IGFBP7: variants seen among roughly 807,000 people sequenced by gnomAD.
IGFBP7 encodes insulin like growth factor binding protein 7.
In IGFBP7, 31 loss-of-function variants were observed where a neutral mutation model predicts 29.4. That is an observed-to-expected ratio of 1.05 (90% CI 0.79 to 1.42). The LOEUF is 1.42. Among genes scored for constraint, IGFBP7 ranks in the 40% most tolerant of loss-of-function variants. IGFBP7 has a pLI of 0.00. For synonymous variants in IGFBP7, 172 were observed against 174.9 expected, an observed-to-expected ratio of 0.98 and a Z score of 0.13; for missense variants, 393 against 395.5, an observed-to-expected ratio of 0.99 and a Z score of 0.05.
chr4:57,078,323 G>C (rs942793935), intron 1 of IGFBP7, among the ~76,000 whole-genome samples: 2 of 152,122 alleles, frequency 1.3e-5, no homozygotes, highest in African/African-American at 4.8e-5. Context: ...GCTCATAAAT[G>C]ATAGAGCTGG....
intron 1 of IGFBP7, chr4:57,072,938 G>A: frequency 5.2e-6 from 4 of 773,940 alleles, no homozygotes; most frequent in Non-Finnish European, 9.1e-6. Context: ...TATCTGCCTG[G>A]ACATCCTGAA....
At chr4:57,095,768 G>C (rs1266389282) in intron 1 of IGFBP7, among the ~76,000 whole-genome samples, 1 of 152,082 alleles carries the variant, frequency 6.6e-6, no homozygotes, top group Non-Finnish European at 1.5e-5. Flanking sequence ...CATCGGAAAG[G>C]CCTCAGCCAA....
chr4:57,071,554 T>C (rs1234357889), intron 1 of IGFBP7, among the ~76,000 whole-genome samples: 3 of 152,202 alleles, frequency 2.0e-5, no homozygotes, highest in African/African-American at 4.8e-5. Context: ...GGTCTCTCTT[T>C]CTTTTTCCCT....
intron 1 of IGFBP7, among the ~76,000 whole-genome samples, chr4:57,103,662 T>TTTC (rs1227784037): frequency 6.2e-5 from 8 of 128,390 alleles, no homozygotes; most frequent in African/African-American, 1.2e-4. Flanking sequence ...TTTCTTTTCT[T>TTTC]TTTTTTTTTT....
rs11573130 is a variant in IGFBP7, at chr4:57,031,601, A to G, written c.830-265T>C. Among the ~76,000 whole-genome samples, 1,118 of 152,320 alleles carry G rather than the reference A, an allele frequency of 7.3e-3. 12 individuals are homozygous for G. The highest frequency in any genetic ancestry group is 0.025 in the African/African-American group (1,040 of 41,576). On this transcript the variant is annotated intron_variant, in intron 4 of 4. Coordinates refer to ENST00000295666, the MANE Select transcript of IGFBP7 (RefSeq NM_001553.3). ...TAGAACTGGAAGAGCACATTTCACA[A>G]TGAGATTCAGAGAGGTTAAAGACCT...
chr4:57,082,758 A>AT (rs895890264), intron 1 of IGFBP7, among the ~76,000 whole-genome samples: 3 of 152,112 alleles, frequency 2.0e-5, no homozygotes, highest in African/African-American at 7.2e-5. Context: ...TATAGTTTTT[A>AT]TTTTTTTAAT....
intron 1 of IGFBP7, among the ~76,000 whole-genome samples, chr4:57,083,533 T>G (rs1718861): frequency 6.6e-6 from 1 of 152,038 alleles, no homozygotes; most frequent in African/African-American, 2.4e-5. Flanking sequence ...ACTACAGATA[T>G]TTAGTTTGCT....
chr4:57,043,283 C>T (rs1724274965), intron 1 of IGFBP7, among the ~76,000 whole-genome samples: 1 of 152,158 alleles, frequency 6.6e-6, no homozygotes, highest in Non-Finnish European at 1.5e-5. Flanking sequence ...TTATTCCATG[C>T]TTAGCATGGT....
intron 1 of IGFBP7, among the ~76,000 whole-genome samples, chr4:57,082,006 C>T (rs1489413557): frequency 6.6e-6 from 1 of 152,092 alleles, no homozygotes; most frequent in Non-Finnish European, 1.5e-5. Context: ...GTAGAACCGA[C>T]TCGGGGATGC....
At chr4:57,063,944 GCAA>G (rs1342479381) in intron 1 of IGFBP7, among the ~76,000 whole-genome samples, 1 of 152,180 alleles carries the variant, frequency 6.6e-6, no homozygotes, top group African/African-American at 2.4e-5. Context: ...TAACGCTGTA[GCAA>G]CATATTCCTT....
intron 1 of IGFBP7, among the ~76,000 whole-genome samples, chr4:57,049,052 C>T (rs1343929218): frequency 6.6e-6 from 1 of 152,152 alleles, no homozygotes; most frequent in African/African-American, 2.4e-5. Flanking sequence ...GTCTGGAGCT[C>T]TCATTCTCTG....
intron 1 of IGFBP7, among the ~76,000 whole-genome samples, chr4:57,083,366 G>A (rs1725419183): frequency 6.6e-6 from 1 of 152,168 alleles, no homozygotes; most frequent in South Asian, 2.1e-4. Context: ...AACATTGTAG[G>A]TTATTGTTGT....
intron 1 of IGFBP7, chr4:57,073,163 CT>C: frequency 6.4e-7 from 1 of 1,559,208 alleles, no homozygotes; most frequent in Admixed American, 1.8e-5. Flanking sequence ...CTTGTGTCGT[CT>C]TTTTAAGTTT....
intron 1 of IGFBP7, among the ~76,000 whole-genome samples, chr4:57,067,833 TA>T (rs935459005): frequency 1.4e-5 from 2 of 145,346 alleles, no homozygotes; most frequent in African/African-American, 2.5e-5. Flanking sequence ...TCCTCAAAAC[TA>T]AAAAAAATAA....
intron 1 of IGFBP7, among the ~76,000 whole-genome samples, chr4:57,102,753 G>A (rs1354735172): frequency 6.6e-6 from 1 of 152,164 alleles, no homozygotes; most frequent in African/African-American, 2.4e-5. Context: ...TGCAGTGATT[G>A]AAACTGGACA....
chr4:57,033,404 T>G, intron 2 of IGFBP7, 93 bp from the exon 3 acceptor site: 1 of 831,022 alleles, frequency 1.2e-6, no homozygotes, highest in South Asian at 1.3e-5. Context: ...ATAGTGTATG[T>G]CAGACTTTCT....
chr4:57,080,908 C>T (rs1193053963), intron 1 of IGFBP7, among the ~76,000 whole-genome samples: 1 of 152,256 alleles, frequency 6.6e-6, no homozygotes, highest in Non-Finnish European at 1.5e-5. Flanking sequence ...TTCCTTTCCA[C>T]TGCCAAGGGG....
intron 1 of IGFBP7, among the ~76,000 whole-genome samples, chr4:57,107,756 C>T (rs999795260): frequency 7.9e-5 from 12 of 152,158 alleles, no homozygotes; most frequent in Admixed American, 1.3e-4. Context: ...AAAGCCGGGC[C>T]GGAACCCTCA....
chr4:57,047,611 T>A (rs1724393951), intron 1 of IGFBP7, among the ~76,000 whole-genome samples: 1 of 152,252 alleles, frequency 6.6e-6, no homozygotes, highest in South Asian at 2.1e-4. Flanking sequence ...CATAAGTTTA[T>A]GCAAATAAAA....
Sources: gnomAD v4.1 joint callset for allele counts (sites outside exome capture counted in the v4.1 genomes callset) on GRCh38, gnomAD v4.1.1 for gene constraint, MANE v1.5 for transcripts, NCBI Gene and HGNC (gene_info 2026-07-23, HGNC 2026-07-21) for gene names.